Variants in ROBO1 observed in about 807,000 individuals in gnomAD.
ROBO1 encodes the protein roundabout homolog 1.
In ROBO1, 149 loss-of-function variants were observed where a neutral mutation model predicts 195.9. That is an observed-to-expected ratio of 0.76 (90% CI 0.67 to 0.87). ROBO1 has a LOEUF of 0.87. Ranked by LOEUF, ROBO1 falls within the 40% of genes least tolerant of loss-of-function variation. The pLI, the probability that ROBO1 is intolerant of heterozygous loss-of-function variation, is 0.00. For synonymous variants in ROBO1, 816 were observed against 733.2 expected, an observed-to-expected ratio of 1.11 and a Z score of -1.82; for missense variants, 1,933 against 2,068.3, an observed-to-expected ratio of 0.93 and a Z score of 1.27.
chr3:78,823,589 G>A (rs1464690884), intron 4 of ROBO1, among the ~76,000 whole-genome samples: 1 of 152,190 alleles, frequency 6.6e-6, no homozygotes, highest in Non-Finnish European at 1.5e-5. Context: ...AAGAGGACAT[G>A]CCCTCTGAGG....
intron 3 of ROBO1, among the ~76,000 whole-genome samples, chr3:79,022,080 T>C (rs938910485): frequency 6.6e-6 from 1 of 152,188 alleles, no homozygotes; most frequent in African/African-American, 2.4e-5. Flanking sequence ...TTCTTTTTCC[T>C]GTCTCATCCA....
At chr3:78,771,972 C>T (rs1327788103) in intron 4 of ROBO1, among the ~76,000 whole-genome samples, 1 of 152,034 alleles carries the variant, frequency 6.6e-6, no homozygotes, top group Non-Finnish European at 1.5e-5. Flanking sequence ...ACAAGGACTA[C>T]ATTGCAAGGG....
chr3:79,416,947 T>A (rs937728695), intron 2 of ROBO1, among the ~76,000 whole-genome samples: 1 of 152,188 alleles, frequency 6.6e-6, no homozygotes, highest in Non-Finnish European at 1.5e-5. Flanking sequence ...TGATCATTCA[T>A]AATTTCTCAG....
chr3:78,848,690 A>G (rs1384089540), intron 4 of ROBO1, among the ~76,000 whole-genome samples: 4 of 152,160 alleles, frequency 2.6e-5, no homozygotes, highest in African/African-American at 9.7e-5. Flanking sequence ...GAAGAAGGAC[A>G]GCGATCATTA....
chr3:78,713,595 A>C (rs1465630468), intron 8 of ROBO1, among the ~76,000 whole-genome samples: 1 of 152,186 alleles, frequency 6.6e-6, no homozygotes, highest in African/African-American at 2.4e-5. Context: ...AAAGTTCTCA[A>C]ATGGGATATA....
chr3:79,715,481 G>T (rs1036827468), intron 1 of ROBO1, among the ~76,000 whole-genome samples: 1 of 152,102 alleles, frequency 6.6e-6, no homozygotes, highest in Non-Finnish European at 1.5e-5. Flanking sequence ...TTTTTAGCAA[G>T]AAAGTACTTT....
At chr3:78,977,707 T>C (rs931219687) in intron 3 of ROBO1, among the ~76,000 whole-genome samples, 1 of 151,888 alleles carries the variant, frequency 6.6e-6, no homozygotes, top group African/African-American at 2.4e-5. Flanking sequence ...CTGATCCACC[T>C]AGAAATATAT....
intron 4 of ROBO1, among the ~76,000 whole-genome samples, chr3:78,864,719 T>A (rs906057186): frequency 3.3e-5 from 5 of 152,036 alleles, no homozygotes; most frequent in Non-Finnish European, 7.4e-5. Context: ...TATACACATG[T>A]GTGTATATAT....
intron 2 of ROBO1, among the ~76,000 whole-genome samples, chr3:79,455,870 C>G (rs2039604198): frequency 6.6e-6 from 1 of 152,106 alleles, no homozygotes; most frequent in Non-Finnish European, 1.5e-5. Context: ...CGAAACATGA[C>G]ACTCTGTAAA....
intron 3 of ROBO1, among the ~76,000 whole-genome samples, chr3:79,124,663 A>C (rs1464259555): frequency 1.3e-5 from 2 of 152,172 alleles, no homozygotes; most frequent in African/African-American, 4.8e-5. Flanking sequence ...AGAGAACATT[A>C]CAAATAGCTG....
chr3:79,263,315 A>G (rs1251728856), intron 2 of ROBO1, among the ~76,000 whole-genome samples: 1 of 152,030 alleles, frequency 6.6e-6, no homozygotes, highest in Non-Finnish European at 1.5e-5. Flanking sequence ...AACAAAGACC[A>G]GTCTCTCCAT....
intron 26 of ROBO1, among the ~76,000 whole-genome samples, chr3:78,626,836 G>C (rs535088058): frequency 1.3e-5 from 2 of 151,972 alleles, no homozygotes; most frequent in South Asian, 4.2e-4. Flanking sequence ...ATCAAAGGTA[G>C]CTGAGGTCAA....
intron 2 of ROBO1, among the ~76,000 whole-genome samples, chr3:79,397,143 A>G (rs2037186020): frequency 6.6e-6 from 1 of 151,852 alleles, no homozygotes; most frequent in African/African-American, 2.4e-5. Flanking sequence ...TAGTGTGTAA[A>G]AGTATTTCTA....
At chr3:79,114,678 A>G (rs1439213297) in intron 3 of ROBO1, among the ~76,000 whole-genome samples, 1 of 152,180 alleles carries the variant, frequency 6.6e-6, no homozygotes, top group Non-Finnish European at 1.5e-5. Context: ...TGTGGGGTCT[A>G]GTCATATCAG....
intron 2 of ROBO1, among the ~76,000 whole-genome samples, chr3:79,574,076 T>C (rs1359007335): frequency 1.3e-5 from 2 of 152,044 alleles, no homozygotes; most frequent in Non-Finnish European, 2.9e-5. Context: ...AATATATCTT[T>C]AAAAAAATTT....
chr3:78,684,970 T>G (rs767449299), intron 10 of ROBO1, among the ~76,000 whole-genome samples: 2 of 152,126 alleles, frequency 1.3e-5, no homozygotes, highest in Non-Finnish European at 2.9e-5. Flanking sequence ...AAAATATTAT[T>G]CCAATCACTA....
intron 1 of ROBO1, among the ~76,000 whole-genome samples, chr3:79,618,906 G>C (rs764847411): frequency 2.0e-5 from 3 of 152,122 alleles, no homozygotes; most frequent in Non-Finnish European, 4.4e-5. Flanking sequence ...CTCTGGAAGA[G>C]AAAAAGGAGA....
chr3:78,649,125 TA>T (rs5850379), intron 19 of ROBO1, among the ~76,000 whole-genome samples: 6,733 of 132,214 alleles, frequency 0.051, 388 homozygotes, highest in African/African-American at 0.15. Context: ...CAAGTCTTCA[TA>T]AAAAAAAAAA....
intron 1 of ROBO1, among the ~76,000 whole-genome samples, chr3:79,755,877 C>G (rs1023609537): frequency 2.0e-5 from 3 of 152,188 alleles, no homozygotes; most frequent in Admixed American, 6.5e-5. Context: ...CTTGATCTGG[C>G]AGTTTGCATG....
Sources: allele counts gnomAD v4.1 joint callset (sites outside exome capture counted in the v4.1 genomes callset), GRCh38; gene constraint gnomAD v4.1.1; transcripts MANE v1.5; gene names NCBI Gene and HGNC (gene_info 2026-07-23, HGNC 2026-07-21).